The following OSBPL10 variants were observed in gnomAD, a reference collection of about 807,000 sequenced individuals.
OSBPL10 encodes the protein oxysterol-binding protein-related protein 10.
A neutral mutation model predicts 81.7 loss-of-function variants in OSBPL10; 49 were observed. That is an observed-to-expected ratio of 0.60 (90% CI 0.48 to 0.76). The LOEUF (loss-of-function observed/expected upper bound fraction) is 0.76. Among genes scored for constraint, OSBPL10 ranks in the 30% least tolerant of loss-of-function variants. The probability of loss-of-function intolerance (pLI) is 0.00; values close to 1 mark genes in which losing one functional copy is unlikely to be tolerated. For synonymous variants in OSBPL10, 419 were observed against 383.6 expected (o/e 1.09, Z -1.08); for missense variants, 923 against 987.8 (o/e 0.93, Z 0.88).
intron 2 of OSBPL10, among the ~76,000 whole-genome samples, chr3:32,034,663 T>C (rs1699502019): frequency 6.6e-6 from 1 of 152,164 alleles, no homozygotes. Context: ...GCAAGGGAGA[T>C]ACTAATTTGT....
chr3:32,042,891 A>G (rs888559204), intron 2 of OSBPL10, among the ~76,000 whole-genome samples: 1 of 152,074 alleles, frequency 6.6e-6, no homozygotes, highest in Admixed American at 6.5e-5. Flanking sequence ...CACAAGGCAA[A>G]GGGCAAAAGC....
chr3:31,912,876 C>T (rs549793170), intron 1 of OSBPL10, among the ~76,000 whole-genome samples: 71 of 152,182 alleles, frequency 4.7e-4, no homozygotes, highest in Non-Finnish European at 8.2e-4. Context: ...TCCTTCTCTG[C>T]TGCTCAAGAA....
intron 2 of OSBPL10, among the ~76,000 whole-genome samples, chr3:32,034,134 C>T (rs1314237041): frequency 2.0e-5 from 3 of 152,130 alleles, no homozygotes; most frequent in Non-Finnish European, 2.9e-5. Flanking sequence ...ATCAGGAGAA[C>T]GGCATAGGGG....
At chr3:31,892,430 G>C (rs891097837) in intron 1 of OSBPL10, among the ~76,000 whole-genome samples, 2 of 152,088 alleles carry the variant, frequency 1.3e-5, no homozygotes, top group African/African-American at 4.8e-5. Flanking sequence ...GGAAAGGCCA[G>C]GAAAGAAGCC....
intron 6 of OSBPL10, among the ~76,000 whole-genome samples, chr3:31,725,274 G>A (rs1258752664): frequency 2.6e-5 from 4 of 152,142 alleles, no homozygotes; most frequent in African/African-American, 7.2e-5. Flanking sequence ...CTAATTGAGG[G>A]AGCAGTATAT....
rs766779894 is a variant in OSBPL10, at chr3:32,043,463, C to T, written n.298+3028G>A. ...AATTATCACAGTGGTCCTGAGATGA[C>T]GTACATCCTCAGCTTACGAAGATAA... On this transcript the variant is annotated intron_variant and non_coding_transcript_variant, in intron 2 of 3. Transcript: ENST00000479173. Among the ~76,000 whole-genome samples, 107 of 152,120 alleles carry T rather than the reference C, an allele frequency of 7.0e-4. 1 individual carries two copies. The highest frequency in any genetic ancestry group is 3.3e-4 in the Admixed American group (5 of 15,268).
intron 1 of OSBPL10, among the ~76,000 whole-genome samples, chr3:31,979,425 G>A (rs536931277): frequency 2.6e-4 from 40 of 152,216 alleles, no homozygotes; most frequent in Non-Finnish European, 5.0e-4. Flanking sequence ...GTTGAGTTTC[G>A]TGCAGATAAC....
At chr3:32,055,787 C>T (rs867940873) in intron 1 of OSBPL10, among the ~76,000 whole-genome samples, 3 of 152,172 alleles carry the variant, frequency 2.0e-5, no homozygotes, top group South Asian at 4.1e-4. Context: ...TACACAGTTC[C>T]TGTACAGGGT....
intron 3 of OSBPL10, among the ~76,000 whole-genome samples, chr3:31,855,119 G>A (rs186923875): frequency 1.5e-4 from 23 of 152,212 alleles, no homozygotes; most frequent in Admixed American, 1.2e-3. Flanking sequence ...TCCAACTCTC[G>A]GACTCAAGGT....
At chr3:31,913,497 C>G (rs1374460899) in intron 1 of OSBPL10, among the ~76,000 whole-genome samples, 1 of 152,214 alleles carries the variant, frequency 6.6e-6, no homozygotes, top group Non-Finnish European at 1.5e-5. Flanking sequence ...ATCCACCTGC[C>G]TCAGCCTCCC....
At chr3:32,040,700 G>A (rs1404633190) in intron 2 of OSBPL10, among the ~76,000 whole-genome samples, 1 of 152,142 alleles carries the variant, frequency 6.6e-6, no homozygotes, top group Non-Finnish European at 1.5e-5. Flanking sequence ...AGCTGGCTGT[G>A]GTGGCATGCA....
At chr3:31,877,476 T>C (rs1006134688) in intron 2 of OSBPL10, among the ~76,000 whole-genome samples, 1 of 152,028 alleles carries the variant, frequency 6.6e-6, no homozygotes, top group Non-Finnish European at 1.5e-5. Flanking sequence ...TTCTCAAATA[T>C]CATGGGCACA....
At chr3:32,053,755 C>T (rs9854426) in intron 1 of OSBPL10, among the ~76,000 whole-genome samples, 6,187 of 152,136 alleles carry the variant, frequency 0.041, 351 homozygotes, top group African/African-American at 0.12. Context: ...AGGTGGATCA[C>T]GGGAGGTCAG....
At chr3:31,858,218 C>T (rs549013615) in intron 3 of OSBPL10, among the ~76,000 whole-genome samples, 44 of 152,172 alleles carry the variant, frequency 2.9e-4, no homozygotes, top group Middle Eastern at 3.4e-3. Flanking sequence ...CCAGGCTGAT[C>T]TCAAACTCCT....
At chr3:31,765,109 C>A (rs1246579497) in intron 4 of OSBPL10, among the ~76,000 whole-genome samples, 2 of 152,146 alleles carry the variant, frequency 1.3e-5, no homozygotes, top group Non-Finnish European at 2.9e-5. Flanking sequence ...CCTCTGCCTC[C>A]TGGCCTCAGA....
chr3:31,875,202 T>C (rs913868439), intron 3 of OSBPL10, among the ~76,000 whole-genome samples: 2 of 151,934 alleles, frequency 1.3e-5, no homozygotes, highest in African/African-American at 2.4e-5. Flanking sequence ...CTAAATTTAC[T>C]AGAAAGATAT....
At chr3:31,792,424 G>C (rs1157907579) in intron 4 of OSBPL10, among the ~76,000 whole-genome samples, 1 of 152,104 alleles carries the variant, frequency 6.6e-6, no homozygotes, top group East Asian at 1.9e-4. Flanking sequence ...ATTTTAAACA[G>C]GTTGCAAAAT....
At chr3:31,820,626 A>C (rs1052805901) in intron 4 of OSBPL10, among the ~76,000 whole-genome samples, 12 of 152,128 alleles carry the variant, frequency 7.9e-5, no homozygotes, top group Non-Finnish European at 1.8e-4. Flanking sequence ...AACATAAAGA[A>C]ATATTTGCTA....
chr3:31,738,198 A>G (rs925239277), intron 5 of OSBPL10, among the ~76,000 whole-genome samples: 22 of 152,118 alleles, frequency 1.4e-4, no homozygotes, highest in Non-Finnish European at 2.6e-4. Context: ...ATGGGAAAAA[A>G]ATGCACATCT....
Sources: gnomAD v4.1 joint callset for allele counts (sites outside exome capture counted in the v4.1 genomes callset) on GRCh38, gnomAD v4.1.1 for gene constraint, MANE v1.5 for transcripts, NCBI Gene and HGNC (gene_info 2026-07-23, HGNC 2026-07-21) for gene names.